Variants in ZNF280C observed in about 807,000 individuals in gnomAD.
The protein encoded by ZNF280C is zinc finger protein 280C.
Under a neutral mutation model 53.6 loss-of-function variants are expected in ZNF280C, and 14 were observed. The observed-to-expected ratio is 0.26, with a 90% CI of 0.17 to 0.41. The LOEUF (loss-of-function observed/expected upper bound fraction) is 0.41, where lower values mean the gene tolerates loss of function less well. Ranked by LOEUF, ZNF280C falls within the 10% of genes least tolerant of loss-of-function variation. ZNF280C has a pLI of 1.00. For missense variants in ZNF280C, 416 were observed against 547.1 expected (o/e 0.76, Z 2.39); for synonymous variants, 203 against 181.1 (o/e 1.12, Z -0.97).
chrX:130,227,556 G>C, intron 11 of ZNF280C, 126 bp downstream of exon 11: 2 of 524,811 alleles, frequency 3.8e-6, no homozygotes, highest in East Asian at 3.6e-5. Flanking sequence ...TAATGAAGAG[G>C]GTCTTCAATT....
intron 8 of ZNF280C, 57 bp downstream of exon 8, chrX:130,236,157 A>AT: frequency 2.3e-6 from 2 of 862,176 alleles, no homozygotes; most frequent in East Asian, 6.5e-5. Context: ...TCAATTTTCA[A>AT]TATTTTCAAG....
rs2031954922 is a variant in ZNF280C at position 130,204,880 on chromosome X, T to C, written c.*97A>G. The C allele has an allele frequency of 9.6e-6, 8 of 835,298 alleles. No homozygotes were observed. Among genetic ancestry groups the C allele is most frequent in the African/African-American group, 4.2e-5 (2 of 47,247 alleles). 68.8% of individuals were successfully genotyped at this position (835,298 alleles called of 1,213,427 possible). Reference sequence around the variant, plus strand: ...AGCTAGTGTCATAAACTTGGCTGTTTAACTGCCCTTTGTGTGAGAAAATAC... The same window carrying C: ...AGCTAGTGTCATAAACTTGGCTGTTCAACTGCCCTTTGTGTGAGAAAATAC... On this transcript the variant is annotated 3_prime_UTR_variant, in exon 19 of 19. Coordinates refer to ENST00000370978, the MANE Select transcript of ZNF280C (RefSeq NM_017666.5).
At chrX:130,235,340 C>A (rs1395230401) in intron 8 of ZNF280C, among the ~76,000 whole-genome samples, 3 of 111,701 alleles carry the variant, frequency 2.7e-5, no homozygotes, top group Non-Finnish European at 3.8e-5. Context: ...CATGGCAAAA[C>A]CCCGTCTCTA....
intron 8 of ZNF280C, among the ~76,000 whole-genome samples, chrX:130,234,034 C>A (rs2032306599): frequency 9.1e-6 from 1 of 110,450 alleles, no homozygotes; most frequent in Non-Finnish European, 1.9e-5. Flanking sequence ...AAAACTAAGA[C>A]CAATTAAACC....
At chrX:130,218,539 A>G (rs988009229) in intron 13 of ZNF280C, among the ~76,000 whole-genome samples, 2 of 112,796 alleles carry the variant, frequency 1.8e-5, no homozygotes, top group African/African-American at 6.4e-5. Context: ...CACTCCCCCC[A>G]TGTACTTGAA....
Position 130,220,406 on chromosome X carries a change from C to T in ZNF280C, c.1470G>A (p.Ala490=), listed in dbSNP as rs760650686. 1.8e-5 allele frequency: 22 copies of T among 1,200,956 alleles called. 1 individual carries two copies. The African/African-American group carries it at 2.6e-4, about 14-fold the overall frequency. ...LTSKEKAEHK[A]QHRTFIKPKE... is the part of the protein sequence containing the mutation. ...TAGGCTTTATAAATGTACGATGCTG[C>T]GCCTTATGTTCAGCTTTCTCCTTGC... The change falls in exon 13 of 19, where the codon GCG becomes GCA. Residue 490 remains alanine, a synonymous_variant. Transcript: ENST00000370978.
chrX:130,215,287 T>A lies in ZNF280C; in HGVS notation c.1885A>T (p.Lys629Ter). 1 of 1,203,781 alleles carries A rather than the reference T, an allele frequency of 8.3e-7. No individual in the cohort carries two copies. Among genetic ancestry groups the A allele is most frequent in the Non-Finnish European group, 1.1e-6 (1 of 891,432 alleles). Residue 629 changes from lysine (K) to a stop codon, truncating the protein, a stop_gained, in exon 15 of 19, where the codon AAA becomes TAA. Transcript: ENST00000370978. LOFTEE classifies it high-confidence loss of function. ...HKCIECHSKIKDFASHFSIYI... is the reference protein window; with the variant it reads ...HKCIECHSKI ...ATAGAAAAGTGGCTTGCAAAATCTT[T>A]TATTTTGGAATGACATTCAATGCAC...
At chrX:130,254,478 T>C (rs2032544664) in intron 2 of ZNF280C, among the ~76,000 whole-genome samples, 1 of 111,804 alleles carries the variant, frequency 8.9e-6, no homozygotes, top group Admixed American at 9.5e-5. Flanking sequence ...TGCAGCACTA[T>C]TCACAGGAGC....
intron 15 of ZNF280C, 25 bp from the exon 16 acceptor site, chrX:130,209,740 A>G: frequency 9.3e-7 from 1 of 1,078,315 alleles, no homozygotes; most frequent in South Asian, 2.0e-5. Context: ...GACAAACAAG[A>G]TTTTATTAAT....
intron 6 of ZNF280C, among the ~76,000 whole-genome samples, chrX:130,238,989 G>C (rs2032361764): frequency 9.0e-6 from 1 of 111,122 alleles, no homozygotes; most frequent in African/African-American, 3.2e-5. Flanking sequence ...GGTTAATGAA[G>C]AACTTTGTTA....
chrX:130,225,314 G>GA (rs1416432625), intron 12 of ZNF280C, among the ~76,000 whole-genome samples: 1 of 110,340 alleles, frequency 9.1e-6, no homozygotes, highest in Non-Finnish European at 1.9e-5. Context: ...GCCAAAAAAT[G>GA]AAATACAGAC....
chrX:130,255,805 A>G (rs2032564707), intron 2 of ZNF280C, among the ~76,000 whole-genome samples: 1 of 111,433 alleles, frequency 9.0e-6, no homozygotes, highest in Admixed American at 9.5e-5. Context: ...AAATACAAAG[A>G]TTAGCTGGGC....
chrX:130,214,148 A>C (rs1460501727), intron 15 of ZNF280C, among the ~76,000 whole-genome samples: 1 of 111,274 alleles, frequency 9.0e-6, no homozygotes, highest in Non-Finnish European at 1.9e-5. Flanking sequence ...TCTTAATTAG[A>C]ATAATGAACT....
chrX:130,224,137 G>C (rs2032197099), intron 12 of ZNF280C, among the ~76,000 whole-genome samples: 1 of 111,726 alleles, frequency 9.0e-6, no homozygotes, highest in Admixed American at 9.5e-5. Flanking sequence ...GGGAGGTGGA[G>C]CCTTCGGAAA....
chrX:130,243,147 T>C (rs2032411819), intron 5 of ZNF280C, among the ~76,000 whole-genome samples: 1 of 112,056 alleles, frequency 8.9e-6, no homozygotes, highest in Non-Finnish European at 1.9e-5. Context: ...GGTAACTAGC[T>C]ATGACAGTTC....
chrX:130,209,433 ACCTTATTTTTGTT>A (rs761557400), intron 16 of ZNF280C, among the ~76,000 whole-genome samples: 2 of 112,049 alleles, frequency 1.8e-5, no homozygotes, highest in African/African-American at 3.2e-5. Context: ...TGGTTGGAGA[ACCTTATTTTTGTT>A]ATTTTACAAA....
chrX:130,208,377 G>A (rs773726695), intron 16 of ZNF280C, among the ~76,000 whole-genome samples: 3 of 111,286 alleles, frequency 2.7e-5, no homozygotes, highest in Non-Finnish European at 5.7e-5. Flanking sequence ...TGATCCACCC[G>A]CCTTGGCCTC....
At chrX:130,233,718 A>G (rs1006847670) in intron 8 of ZNF280C, among the ~76,000 whole-genome samples, 1 of 110,198 alleles carries the variant, frequency 9.1e-6, no homozygotes, top group Non-Finnish European at 1.9e-5. Flanking sequence ...GTAGGAGGAA[A>G]CTTTTGAAGG....
intron 2 of ZNF280C, among the ~76,000 whole-genome samples, chrX:130,256,959 C>A (rs1390489548): frequency 2.8e-5 from 3 of 108,483 alleles, no homozygotes; most frequent in African/African-American, 1.0e-4. Context: ...CCAGCACTTT[C>A]GGAGGCCGAG....
Sources: gnomAD v4.1 joint callset for allele counts (sites outside exome capture counted in the v4.1 genomes callset) on GRCh38, gnomAD v4.1.1 for gene constraint, MANE v1.5 for transcripts, NCBI Gene and HGNC (gene_info 2026-07-23, HGNC 2026-07-21) for gene names.